The following AAGAB variants were observed in gnomAD, a reference collection of about 807,000 sequenced individuals.
AAGAB encodes alpha and gamma adaptin binding protein.
In AAGAB, 38 loss-of-function variants were observed where a neutral mutation model predicts 44.1. The observed-to-expected ratio is 0.86, with a 90% CI of 0.67 to 1.13. The LOEUF (loss-of-function observed/expected upper bound fraction) is 1.13. AAGAB is among the 50% of genes most tolerant of loss of function. The pLI is 0.00. For missense variants in AAGAB, 450 were observed against 373.8 expected (o/e 1.20, Z -1.68); for synonymous variants, 131 against 131.8 (o/e 0.99, Z 0.04).
At chr15:67,217,793 C>T (rs1046298885) in intron 5 of AAGAB, among the ~76,000 whole-genome samples, 1 of 152,178 alleles carries the variant, frequency 6.6e-6, no homozygotes, top group African/African-American at 2.4e-5. Flanking sequence ...GCCTTGGCCT[C>T]CCAACATGCT....
At chr15:67,213,725 G>A (rs139342306) in intron 5 of AAGAB, among the ~76,000 whole-genome samples, 35 of 152,080 alleles carry the variant, frequency 2.3e-4, no homozygotes, top group African/African-American at 5.8e-4. Flanking sequence ...CTACATTTAC[G>A]CAGTAGGTAT....
chr15:67,245,335 T>C (rs1006294241), intron 1 of AAGAB, among the ~76,000 whole-genome samples: 13 of 152,306 alleles, frequency 8.5e-5, no homozygotes, highest in South Asian at 8.3e-4. Context: ...TGCTACAATA[T>C]AGATGAACTT....
chr15:67,223,082 C>T (rs1027628629), intron 5 of AAGAB, among the ~76,000 whole-genome samples: 3 of 152,198 alleles, frequency 2.0e-5, no homozygotes, highest in Non-Finnish European at 4.4e-5. Flanking sequence ...TTTCCTACCT[C>T]ATTGACCTTT....
chr15:67,232,610 CT>C, intron 4 of AAGAB: 1 of 400,590 alleles, frequency 2.5e-6, no homozygotes, highest in South Asian at 2.1e-5. Flanking sequence ...CAGATGTCAT[CT>C]TTGAGTTCAG....
At chr15:67,209,956 C>A in intron 5 of AAGAB, among the ~76,000 whole-genome samples, 1 of 152,168 alleles carries the variant, frequency 6.6e-6, no homozygotes, top group East Asian at 1.9e-4. Flanking sequence ...CTGAGCCACA[C>A]CCCTGGCCCT....
chr15:67,236,633 T>G lies in AAGAB; in HGVS notation c.261A>C (p.Thr87=), dbSNP rs537340808. Residue 87 remains threonine (T), a synonymous_variant, in exon 2 of 10, where the codon ACA becomes ACC. Coordinates refer to ENST00000261880, the MANE Select transcript of AAGAB (RefSeq NM_024666.5). The stretch of plus-strand genomic sequence containing the variant: ...TTCATAGAAAACAAAGTCTTACTTG[T>G]GTGCTGTCAAAGTAAACCACAAATG... ...VQAFVVYFDS[T]QKSGLDSVSS... is the part of the protein sequence containing the mutation. 35 of 1,612,720 alleles carry G rather than the reference T, an allele frequency of 2.2e-5. No individual in the cohort carries two copies. The highest frequency in any genetic ancestry group is 3.0e-5 in the Non-Finnish European group (35 of 1,179,568).
chr15:67,252,231 A>C (rs974668821), intron 1 of AAGAB, among the ~76,000 whole-genome samples: 2 of 152,230 alleles, frequency 1.3e-5, no homozygotes, highest in Non-Finnish European at 2.9e-5. Flanking sequence ...ATTAAAGCAC[A>C]CAACAGAGCA....
intron 5 of AAGAB, among the ~76,000 whole-genome samples, chr15:67,216,994 T>C (rs1963966557): frequency 6.6e-6 from 1 of 152,124 alleles, no homozygotes; most frequent in African/African-American, 2.4e-5. Flanking sequence ...TTCCTTATTT[T>C]TTTCCTCTTC....
intron 1 of AAGAB, among the ~76,000 whole-genome samples, chr15:67,239,017 T>C (rs367821253): frequency 6.6e-6 from 1 of 152,188 alleles, no homozygotes; most frequent in Admixed American, 6.5e-5. Flanking sequence ...TTTTTAAAAA[T>C]AGCAAACTGA....
chr15:67,201,107 T>C lies in AAGAB; in HGVS notation c.*1714A>G, dbSNP rs1044483963. ...ATTCACAGCTTTTTCTAGTCTGGTC[T>C]GTTTTTTCTAACCAGATGGCCTAGT... On this transcript the variant is annotated 3_prime_UTR_variant, in exon 10 of 10. Coordinates refer to ENST00000261880, the MANE Select transcript of AAGAB (RefSeq NM_024666.5). 3.3e-5 allele frequency: 5 copies of C among 152,344 alleles called. No individual in the cohort carries two copies. The highest frequency in any genetic ancestry group is 1.2e-4 in the African/African-American group (5 of 41,458). 9.4% of individuals were successfully genotyped at this position (152,344 alleles called of 1,614,324 possible).
chr15:67,254,995 TC>T, upstream of AAGAB: 1 of 1,574,442 alleles, frequency 6.4e-7, no homozygotes, highest in African/African-American at 1.4e-5. Context: ...CCGCGCCACT[TC>T]CGAGCGAGGT....
At position 67,208,661 on chromosome 15, in the gene AAGAB, G is replaced by A; in HGVS notation, c.619-3C>T. The A allele has an allele frequency of 6.2e-7, 1 of 1,613,444 alleles. No individual in the cohort carries two copies. Among genetic ancestry groups the A allele is most frequent in the Non-Finnish European group, 8.5e-7 (1 of 1,179,512 alleles). ...TCTGCTGCTGGCAAATGGGGTTGCT[G>A]TTGAGGAAAATACACATAAGCAACA... is the stretch of plus-strand genomic sequence containing the variant. On this transcript the variant is annotated splice_polypyrimidine_tract_variant and splice_region_variant and intron_variant, in intron 6 of 9. Transcript: ENST00000261880.
intron 5 of AAGAB, among the ~76,000 whole-genome samples, chr15:67,215,681 A>T (rs1963927926): frequency 6.6e-6 from 1 of 152,246 alleles, no homozygotes; most frequent in East Asian, 1.9e-4. Context: ...TTTTTGAATG[A>T]TATTCTTAAA....
intron 3 of AAGAB, 24 bp downstream of exon 3, chr15:67,236,384 T>C (rs182392210): frequency 6.3e-7 from 1 of 1,599,866 alleles, no homozygotes; most frequent in Non-Finnish European, 8.6e-7. Context: ...ATGTACCAAC[T>C]ACTGTCCCAT....
At chr15:67,247,038 G>A (rs1038044753) in intron 1 of AAGAB, among the ~76,000 whole-genome samples, 2 of 152,186 alleles carry the variant, frequency 1.3e-5, no homozygotes, top group African/African-American at 4.8e-5. Flanking sequence ...CACTCACCGT[G>A]AGGGTCTGCA....
intron 5 of AAGAB, among the ~76,000 whole-genome samples, chr15:67,216,226 G>A (rs558824076): frequency 4.6e-5 from 7 of 151,936 alleles, no homozygotes; most frequent in Admixed American, 3.9e-4. Context: ...GGAGGATCAC[G>A]AGGCCAAGAG....
chr15:67,231,539 AG>A (rs1366347446), intron 5 of AAGAB, among the ~76,000 whole-genome samples: 4 of 152,346 alleles, frequency 2.6e-5, no homozygotes, highest in African/African-American at 2.4e-5. Flanking sequence ...CCTTAATAAT[AG>A]GGTCTACGTC....
chr15:67,230,788 C>T (rs531668823), intron 5 of AAGAB, among the ~76,000 whole-genome samples: 1 of 152,180 alleles, frequency 6.6e-6, no homozygotes, highest in Non-Finnish European at 1.5e-5. Flanking sequence ...ACTACATTAC[C>T]CCGGGCCCCA....
intron 5 of AAGAB, chr15:67,221,066 C>G (rs1376905356): frequency 6.6e-6 from 1 of 152,220 alleles, no homozygotes; most frequent in Admixed American, 6.5e-5. Context: ...AGCTAAATCT[C>G]TTCTCAGCTC....
Sources: allele counts gnomAD v4.1 joint callset (sites outside exome capture counted in the v4.1 genomes callset), GRCh38; gene constraint gnomAD v4.1.1; transcripts MANE v1.5; gene names NCBI Gene and HGNC (gene_info 2026-07-23, HGNC 2026-07-21).